ST14: variants seen among roughly 807,000 people sequenced by gnomAD.
ST14 encodes ST14 transmembrane serine protease matriptase.
ST14 carries 40 observed loss-of-function variants against 96.5 expected under a neutral mutation model. The ratio of observed to expected loss-of-function variants is 0.41; its 90% CI spans 0.32 to 0.54. ST14 has a LOEUF of 0.54. Ranked by LOEUF, ST14 falls within the 20% of genes least tolerant of loss-of-function variation. ST14 has a pLI of 0.17. For synonymous variants in ST14, 506 were observed against 492.1 expected (o/e 1.03, Z -0.37); for missense variants, 1,066 against 1,188.9 (o/e 0.90, Z 1.52).
intron 1 of ST14, among the ~76,000 whole-genome samples, chr11:130,161,304 C>T (rs960302612): frequency 1.3e-5 from 2 of 152,200 alleles, no homozygotes; most frequent in African/African-American, 2.4e-5. Flanking sequence ...GGCAGATTCA[C>T]CTTCTCTTCC....
intron 1 of ST14, among the ~76,000 whole-genome samples, chr11:130,173,311 T>C (rs1333642461): frequency 1.3e-5 from 2 of 152,014 alleles, no homozygotes; most frequent in Admixed American, 6.6e-5. Context: ...CAAAACAAAC[T>C]GAAAGGCTGG....
chr11:130,201,760 TAG>T (rs1298547269), intron 16 of ST14, among the ~76,000 whole-genome samples: 3 of 152,232 alleles, frequency 2.0e-5, no homozygotes, highest in Non-Finnish European at 4.4e-5. Context: ...AAAATTTTTG[TAG>T]AGACAGAGCC....
chr11:130,160,042 G>A lies in ST14; in HGVS notation c.63G>A (p.Lys21=). 7.0e-7 allele frequency: 1 copy of A among 1,437,914 alleles called. No individual in the cohort carries two copies. Among genetic ancestry groups the A allele is most frequent in the Non-Finnish European group, 9.2e-7 (1 of 1,087,964 alleles). 89.1% of individuals were successfully genotyped at this position (1,437,914 alleles called of 1,614,324 possible). ...CGAAGGACTTCGGCGCGGGACTCAA[G>A]TACAACTCCCGGCACGAGGTGAGCG... is the stretch of plus-strand genomic sequence containing the variant. ...GGPKDFGAGL[K]YNSRHEKVNG... is the part of the protein sequence containing the mutation. The change falls in exon 1 of 19, where the codon AAG becomes AAA. Residue 21 remains lysine (K), a synonymous_variant. Transcript: ENST00000278742.
chr11:130,172,141 G>T (rs1449716248), intron 1 of ST14, among the ~76,000 whole-genome samples: 1 of 151,864 alleles, frequency 6.6e-6, no homozygotes, highest in African/African-American at 2.4e-5. Flanking sequence ...TTGAGACAGG[G>T]TCTCGCTCTG....
At chr11:130,209,152 C>T (rs768020412) in intron 17 of ST14, among the ~76,000 whole-genome samples, 8 of 152,148 alleles carry the variant, frequency 5.3e-5, no homozygotes, top group Non-Finnish European at 1.0e-4. Context: ...CAGAACCCCG[C>T]GGGCATTTGC....
At chr11:130,189,265 A>G (rs1953269945) in intron 4 of ST14, 1 of 503,768 alleles carries the variant, frequency 2.0e-6, no homozygotes, top group Non-Finnish European at 3.6e-6. Flanking sequence ...GCCTTCAATG[A>G]GCCCCCACAT....
chr11:130,169,025 T>C (rs1953065001), intron 1 of ST14, among the ~76,000 whole-genome samples: 1 of 140,122 alleles, frequency 7.1e-6, no homozygotes, highest in African/African-American at 3.2e-5. Context: ...CCAGGGAATT[T>C]TGTGCAGTTA....
chr11:130,194,473 C>T (rs1953337575), intron 8 of ST14, among the ~76,000 whole-genome samples, 167 bp from the exon 9 acceptor site: 1 of 152,160 alleles, frequency 6.6e-6, no homozygotes, highest in Non-Finnish European at 1.5e-5. Flanking sequence ...GTCAGGAGCC[C>T]TCCTGAAGCT....
chr11:130,160,063 G>T lies in ST14; in HGVS notation c.81+3G>T. On this transcript the variant is annotated splice_donor_region_variant and intron_variant, in intron 1 of 18. Coordinates refer to ENST00000278742, the MANE Select transcript of ST14 (RefSeq NM_021978.4). Reference sequence around the variant, plus strand: ...TCAAGTACAACTCCCGGCACGAGGTGAGCGCGGGCCGGGGACCCGGGGCGC... The same window carrying T: ...TCAAGTACAACTCCCGGCACGAGGTTAGCGCGGGCCGGGGACCCGGGGCGC... 1 of 1,427,370 alleles carries T rather than the reference G, an allele frequency of 7.0e-7. No individual in the cohort carries two copies. Among genetic ancestry groups the T allele is most frequent in the Non-Finnish European group, 9.2e-7 (1 of 1,081,738 alleles). 88.4% of individuals were successfully genotyped at this position (1,427,370 alleles called of 1,614,324 possible). A position where few individuals can be genotyped will look rare whatever the true frequency, so the allele number is the denominator to read the frequency against.
intron 1 of ST14, among the ~76,000 whole-genome samples, chr11:130,177,100 G>C (rs540235153): frequency 6.6e-6 from 1 of 151,928 alleles, no homozygotes; most frequent in East Asian, 2.0e-4. Flanking sequence ...GCCTGGCGGG[G>C]CTTAACATTT....
intron 16 of ST14, among the ~76,000 whole-genome samples, chr11:130,202,662 T>A (rs1953441473): frequency 6.6e-6 from 1 of 152,174 alleles, no homozygotes; most frequent in Non-Finnish European, 1.5e-5. Context: ...CCTGAGCACA[T>A]GGCTAAGTCA....
intron 1 of ST14, among the ~76,000 whole-genome samples, chr11:130,170,854 CT>C (rs910213549): frequency 2.9e-4 from 43 of 147,176 alleles, no homozygotes; most frequent in East Asian, 4.0e-4. Flanking sequence ...CAGAGTGTTC[CT>C]TTTTTTTTTG....
rs575429246 is a variant in ST14 at position 130,181,305 on chromosome 11, G to T, written c.82-6809G>T. On this transcript the variant is annotated intron_variant, in intron 1 of 18. Transcript: ENST00000278742. The surrounding 1 kb of genome is among the most constrained non-coding windows in gnomAD (Gnocchi z 4.1). ...CTGAGCCCTTTATCCCCAACCTCCCGCCTGGAAGTCATTCCTCGTTCCCTT... is the reference window on the plus strand; with the variant it reads ...CTGAGCCCTTTATCCCCAACCTCCCTCCTGGAAGTCATTCCTCGTTCCCTT... 6.6e-6 allele frequency among the ~76,000 whole-genome samples: 1 copy of T among 152,050 alleles called. No homozygotes were observed. The highest frequency in any genetic ancestry group is 2.4e-5 in the African/African-American group (1 of 41,392).
At chr11:130,204,178 G>T (rs958313107) in intron 16 of ST14, among the ~76,000 whole-genome samples, 1 of 152,202 alleles carries the variant, frequency 6.6e-6, no homozygotes, top group Non-Finnish European at 1.5e-5. Context: ...TGAAGGCTGG[G>T]TCATAGATCG....
intron 1 of ST14, among the ~76,000 whole-genome samples, chr11:130,163,700 G>A (rs1339329179): frequency 2.0e-5 from 3 of 152,182 alleles, no homozygotes; most frequent in Admixed American, 6.6e-5. Flanking sequence ...GGAGTGGACC[G>A]GAAATCTGCC....
chr11:130,183,075 G>GC, intron 1 of ST14, among the ~76,000 whole-genome samples: 1 of 151,870 alleles, frequency 6.6e-6, no homozygotes, highest in East Asian at 1.9e-4. Flanking sequence ...TCCTGCCTCA[G>GC]CCCCCCGAGT....
At chr11:130,203,467 C>A (rs1032884868) in intron 16 of ST14, among the ~76,000 whole-genome samples, 1 of 152,170 alleles carries the variant, frequency 6.6e-6, no homozygotes, top group Non-Finnish European at 1.5e-5. Flanking sequence ...GGGCCTTCCC[C>A]AAATCTGATC....
At chr11:130,167,807 C>T (rs150601198) in intron 1 of ST14, among the ~76,000 whole-genome samples, 2,556 of 152,204 alleles carry the variant, frequency 0.017, 29 homozygotes, top group Non-Finnish European at 0.024. Flanking sequence ...CTCTGCCTCC[C>T]GGGTTTGAGC....
At chr11:130,179,957 C>T (rs1026844896) in intron 1 of ST14, among the ~76,000 whole-genome samples, 8 of 152,196 alleles carry the variant, frequency 5.3e-5, no homozygotes, top group South Asian at 2.1e-4. Context: ...CTTTCTTCCC[C>T]GGGGAAACCC....
Sources: allele counts gnomAD v4.1 joint callset (sites outside exome capture counted in the v4.1 genomes callset), GRCh38; gene constraint gnomAD v4.1.1; non-coding constraint Gnocchi (gnomAD v3.1); transcripts MANE v1.5; gene names NCBI Gene and HGNC (gene_info 2026-07-23, HGNC 2026-07-21).